Variants in FEZ2 observed in about 807,000 individuals in gnomAD.
The protein encoded by FEZ2 is fasciculation and elongation protein zeta 2, also known as fasciculation and elongation protein zeta-2.
Under a neutral mutation model 40.4 loss-of-function variants are expected in FEZ2, and 51 were observed. The ratio of observed to expected loss-of-function variants is 1.26; its 90% CI spans 1.01 to 1.59. FEZ2 has a LOEUF of 1.59. Among genes scored for constraint, FEZ2 ranks in the 40% most tolerant of loss-of-function variants. FEZ2 has a pLI of 0.00. For synonymous variants in FEZ2, 242 were observed against 172.0 expected (o/e 1.41, Z -3.18); for missense variants, 640 against 438.3 (o/e 1.46, Z -4.11).
At chr2:36,572,438 A>C (rs551572141) in intron 5 of FEZ2, among the ~76,000 whole-genome samples, 6 of 152,230 alleles carry the variant, frequency 3.9e-5, no homozygotes. Flanking sequence ...ACTGGAGTTC[A>C]TAACTTTTTG....
intron 5 of FEZ2, among the ~76,000 whole-genome samples, chr2:36,568,166 G>C (rs963006512): frequency 6.6e-6 from 1 of 151,992 alleles, no homozygotes; most frequent in Non-Finnish European, 1.5e-5. Context: ...CAAGGAAAGG[G>C]AGAGACAGAA....
intron 1 of FEZ2, among the ~76,000 whole-genome samples, chr2:36,593,152 G>A (rs1669117897): frequency 6.6e-6 from 1 of 152,222 alleles, no homozygotes; most frequent in Non-Finnish European, 1.5e-5. Context: ...CGAAAAAGAG[G>A]TTTAATTGGA....
chr2:36,583,215 T>C, intron 3 of FEZ2, 138 bp downstream of exon 3: 1 of 547,546 alleles, frequency 1.8e-6, no homozygotes, highest in Non-Finnish European at 3.3e-6. Flanking sequence ...TGTGGAAGAG[T>C]TAACTATTAA....
chr2:36,553,380 C>T (rs1044199759), intron 7 of FEZ2, among the ~76,000 whole-genome samples: 7 of 151,988 alleles, frequency 4.6e-5, no homozygotes, highest in African/African-American at 1.7e-4. Context: ...TTAGAATTTC[C>T]CAGAAATGAG....
At chr2:36,571,939 G>A (rs900504341) in intron 5 of FEZ2, among the ~76,000 whole-genome samples, 5 of 150,268 alleles carry the variant, frequency 3.3e-5, no homozygotes, top group Middle Eastern at 3.4e-3. Flanking sequence ...CGCTGGAACC[G>A]GGGATGCGGA....
At position 36,591,256 on chromosome 2, in the gene FEZ2, C is replaced by G. The variant is rs1573032471; in HGVS notation, c.267-245G>C. The G allele has an allele frequency of 8.0e-6, 4 of 502,242 alleles. 1 individual carries two copies. In the Admixed American group the frequency reaches 1.4e-4, roughly 17 times the overall value. 31.1% of individuals were successfully genotyped at this position (502,242 alleles called of 1,614,324 possible). A position where few individuals can be genotyped will look rare whatever the true frequency, so the allele number is the denominator to read the frequency against. ...AGCCGTACAGAAAACTGCCAATAGG[C>G]AGTAGGCAACACTTCCATTATATTA... is the stretch of plus-strand genomic sequence containing the variant. On this transcript the variant is annotated intron_variant, in intron 1 of 7. Transcript: ENST00000405912.
At chr2:36,558,681 G>A (rs1271411816) in intron 5 of FEZ2, 168 bp from the exon 6 acceptor site, 1 of 406,436 alleles carries the variant, frequency 2.5e-6, no homozygotes, top group African/African-American at 2.0e-5. Flanking sequence ...ATCTCAGATG[G>A]AGCTCATTTT....
intron 5 of FEZ2, among the ~76,000 whole-genome samples, chr2:36,577,813 A>G (rs940789277): frequency 6.6e-6 from 1 of 152,256 alleles, no homozygotes; most frequent in Admixed American, 6.5e-5. Flanking sequence ...ATTGCAAGCC[A>G]TAATAGCTAG....
intron 3 of FEZ2, among the ~76,000 whole-genome samples, chr2:36,582,149 A>G (rs567870578): frequency 6.6e-6 from 1 of 152,232 alleles, no homozygotes; most frequent in Non-Finnish European, 1.5e-5. Flanking sequence ...CTAAAAGTTG[A>G]GAAGGATATA....
intron 5 of FEZ2, among the ~76,000 whole-genome samples, chr2:36,576,514 G>A (rs531276086): frequency 1.6e-4 from 25 of 152,172 alleles, no homozygotes; most frequent in Non-Finnish European, 2.9e-4. Flanking sequence ...CAGGTGATCC[G>A]CCCACCTTGG....
chr2:36,552,706 G>A lies in FEZ2; in HGVS notation c.*457C>T, dbSNP rs577998064. On this transcript the variant is annotated 3_prime_UTR_variant, in exon 8 of 8. Transcript: ENST00000405912. ...CCGTTTATTCTGTTTCAATCTCTCT[G>A]AACAATACTGGTAGGTAATAGTTAC... The A allele has an allele frequency of 5.0e-6, 1 of 198,684 alleles. No individual in the cohort carries two copies. Among genetic ancestry groups the A allele is most frequent in the African/African-American group, 2.4e-5 (1 of 41,972 alleles). 12.3% of individuals were successfully genotyped at this position (198,684 alleles called of 1,614,324 possible).
intron 4 of FEZ2, among the ~76,000 whole-genome samples, chr2:36,580,219 T>A (rs1258456879): frequency 1.3e-5 from 2 of 152,216 alleles, no homozygotes; most frequent in Non-Finnish European, 2.9e-5. Flanking sequence ...AGGACTGTAT[T>A]TGGGAGTCAG....
At chr2:36,554,088 T>C in intron 7 of FEZ2, 1 of 386,460 alleles carries the variant, frequency 2.6e-6, no homozygotes, top group South Asian at 2.1e-5. Flanking sequence ...GTCCTCACAA[T>C]ACAAAGCCAA....
At position 36,552,814 on chromosome 2, in the gene FEZ2, T is replaced by C. The variant is rs1272599342; in HGVS notation, c.*349A>G. ...TAAATCTCCCAAGGCTTTAATCTAG[T>C]TCATCAGTGCAGTTTAGATAAGAAA... On this transcript the variant is annotated 3_prime_UTR_variant, in exon 8 of 8. Transcript: ENST00000405912. 5 of 245,104 alleles carry C rather than the reference T, an allele frequency of 2.0e-5. No individual in the cohort carries two copies. Among genetic ancestry groups the C allele is most frequent in the African/African-American group, 9.1e-5 (4 of 44,010 alleles). The allele number at this position is 245,104 out of a possible 1,614,324, so 15.2% of individuals were successfully genotyped here.
chr2:36,572,595 C>G (rs1668448927), intron 5 of FEZ2, among the ~76,000 whole-genome samples: 1 of 152,196 alleles, frequency 6.6e-6, no homozygotes, highest in Admixed American at 6.5e-5. Context: ...AAAGCTGCTA[C>G]AGATGATATA....
At chr2:36,577,358 A>G (rs995024500) in intron 5 of FEZ2, among the ~76,000 whole-genome samples, 1 of 152,050 alleles carries the variant, frequency 6.6e-6, no homozygotes, top group Non-Finnish European at 1.5e-5. Context: ...CCTGGGTTCA[A>G]GCAATTCTCC....
intron 5 of FEZ2, among the ~76,000 whole-genome samples, chr2:36,572,767 A>T (rs1001705111): frequency 1.3e-5 from 2 of 152,242 alleles, no homozygotes; most frequent in Non-Finnish European, 2.9e-5. Flanking sequence ...AAGGGGGGAA[A>T]AAGCCAGGTC....
chr2:36,580,572 CAT>C (rs1324629697), intron 4 of FEZ2, among the ~76,000 whole-genome samples: 1 of 152,348 alleles, frequency 6.6e-6, no homozygotes, highest in African/African-American at 2.4e-5. Context: ...ATTATTCTCA[CAT>C]ATGTCAAACA....
Position 36,570,226 on chromosome 2 carries a change from A to T in FEZ2, c.903+8371T>A, listed in dbSNP as rs538525802. Among the ~76,000 whole-genome samples the T allele has an allele frequency of 1.7e-4, 25 of 149,176 alleles. No homozygotes were observed. The South Asian group carries it at 2.1e-3, about 13-fold the overall frequency. ...AGCAAATTCTACCAAAAATTTTTTT[A>T]AAAAAACAGATCTAAGTAAATTAGA... On this transcript the variant is annotated intron_variant, in intron 5 of 7. Transcript: ENST00000405912.
Sources: allele counts gnomAD v4.1 joint callset (sites outside exome capture counted in the v4.1 genomes callset), GRCh38; gene constraint gnomAD v4.1.1; transcripts MANE v1.5; gene names NCBI Gene and HGNC (gene_info 2026-07-23, HGNC 2026-07-21).